Variants in TNS4 observed in about 807,000 individuals in gnomAD.
TNS4 encodes tensin-4.
TNS4 carries 46 observed loss-of-function variants against 70.4 expected under a neutral mutation model. The ratio of observed to expected loss-of-function variants is 0.65; its 90% CI spans 0.52 to 0.84. TNS4 has a LOEUF of 0.84. Ranked by LOEUF, TNS4 falls within the 40% of genes least tolerant of loss-of-function variation. The probability of loss-of-function intolerance (pLI) is 0.00; values close to 1 mark genes in which losing one functional copy is unlikely to be tolerated. For missense variants in TNS4, 863 were observed against 907.0 expected (o/e 0.95, Z 0.62); for synonymous variants, 390 against 366.6 (o/e 1.06, Z -0.73).
In TNS4 at chr17:40,487,133, G is replaced by C. The variant is rs8071312; in HGVS notation, c.1191C>G (p.Ser397=). The change falls in exon 4 of 13, where the codon TCC becomes TCG. Residue 397 remains serine, a synonymous_variant. Transcript: ENST00000254051. ...TGGGAGAAGCAGCTCCAGGTTGAAC[G>C]GAGTTCTGGTGTCCTGGGGTCCGCT... ...PPQRTPGHQN[S]VQPGAASPSN... is the part of the protein sequence containing the mutation. 1 of 1,614,144 alleles carries C rather than the reference G, an allele frequency of 6.2e-7. No homozygotes were observed. Among genetic ancestry groups the C allele is most frequent in the Non-Finnish European group, 8.5e-7 (1 of 1,180,036 alleles).
intron 8 of TNS4, among the ~76,000 whole-genome samples, 180 bp downstream of exon 8, chr17:40,481,949 G>A (rs1033801403): frequency 1.3e-5 from 2 of 152,244 alleles, no homozygotes; most frequent in Admixed American, 1.3e-4. Flanking sequence ...CTGAGGCTCA[G>A]AGAGGTCAAC....
chr17:40,477,666 C>G lies in TNS4; in HGVS notation c.2070G>C (p.Ala690=), dbSNP rs187149174. ...EPQENVCHLF[A]EYDMVQPASQ... ...AGGCTGGCTGGACCATGTCATACTC[C>G]GCAAAGAGGTGGCATACGTTCTCCT... Residue 690 remains alanine (A), a synonymous_variant, in exon 13 of 13, where the codon GCG becomes GCC. Transcript: ENST00000254051. 6.2e-6 allele frequency: 10 copies of G among 1,614,090 alleles called. No homozygotes were observed. Among genetic ancestry groups the G allele is most frequent in the Non-Finnish European group, 8.5e-6 (10 of 1,180,014 alleles).
intron 2 of TNS4, among the ~76,000 whole-genome samples, chr17:40,493,473 G>A (rs2036101748): frequency 6.6e-6 from 1 of 152,198 alleles, no homozygotes; most frequent in African/African-American, 2.4e-5. Flanking sequence ...TTTGGGTGCA[G>A]GTGTCTGCTG....
intron 10 of TNS4, among the ~76,000 whole-genome samples, chr17:40,479,193 G>A (rs1323711193): frequency 1.3e-5 from 2 of 152,174 alleles, no homozygotes; most frequent in East Asian, 3.9e-4. Context: ...TGTCACCCAG[G>A]TTGGAGTGCA....
chr17:40,477,541 T>C lies in TNS4; in HGVS notation c.*47A>G, dbSNP rs1297460852. 6.2e-7 allele frequency: 1 copy of C among 1,606,170 alleles called. No individual in the cohort carries two copies. Among genetic ancestry groups the C allele is most frequent in the Admixed American group, 1.7e-5 (1 of 59,578 alleles). On this transcript the variant is annotated 3_prime_UTR_variant, in exon 13 of 13. Transcript: ENST00000254051. ...ATTCAGGGGGTGGAGGGGGGCTCCT[T>C]AGCGAGCCCCTGGAGGTGTTGGTTA...
At position 40,482,140 on chromosome 17, in the gene TNS4, A is replaced by T; in HGVS notation, c.1661T>A (p.Ile554Asn). The T allele has an allele frequency of 6.2e-7, 1 of 1,614,152 alleles. No homozygotes were observed. Among genetic ancestry groups the T allele is most frequent in the Non-Finnish European group, 8.5e-7 (1 of 1,180,032 alleles). ...GGGCCCAGACCCACCTCTCTGTGGG[A>T]TGGTGAGTTTGCAGGGCAGGGCCAG... Reference protein sequence around the residue: ...MALALPCKLTIPQRELGGADG... With the variant: ...MALALPCKLTNPQRELGGADG... The change falls in exon 8 of 13, where the codon ATC becomes AAC. Residue 554 changes from isoleucine to asparagine, a missense_variant. Physicochemically the swap from Ile to Asn is moderately radical, Grantham distance 149. Coordinates refer to ENST00000254051, the MANE Select transcript of TNS4 (RefSeq NM_032865.6).
In TNS4 at chr17:40,487,263, G is replaced by T. The variant is rs1194167211; in HGVS notation, c.1061C>A (p.Ala354Asp). The change falls in exon 4 of 13, where the codon GCC (alanine) becomes GAC (aspartate). Residue 354 changes from alanine to aspartate, a missense_variant. Ala to Asp is a moderately radical substitution (Grantham distance 126). Coordinates refer to ENST00000254051, the MANE Select transcript of TNS4 (RefSeq NM_032865.6). ...QPRTPHSPPL[A>D]KEHASSCPPS... ...GGGGCAGCTGCTGGCATGTTCTTTG[G>T]CCAGTGGTGGAGAGTGGGGTGTTCT... The T allele has an allele frequency of 1.9e-6, 3 of 1,614,068 alleles. No individual in the cohort carries two copies. The highest frequency in any genetic ancestry group is 2.5e-6 in the Non-Finnish European group (3 of 1,180,034).
In TNS4 at chr17:40,479,677, C is replaced by T; in HGVS notation, c.1907G>A (p.Arg636Lys). Residue 636 changes from arginine to lysine, a missense_variant, in exon 10 of 13, where the codon AGG becomes AAG. Transcript: ENST00000254051. Reference sequence around the variant, plus strand: ...CAGGGCAAGGGAAGGCCCTTACTTCCTCTGGACATCAGTCAGAGTGATGCC... The same window carrying T: ...CAGGGCAAGGGAAGGCCCTTACTTCTTCTGGACATCAGTCAGAGTGATGCC... The part of the protein sequence containing the change: ...EQGITLTDVQ[R>K]KVFFRRHYPL... 1.2e-6 allele frequency: 2 copies of T among 1,613,244 alleles called. No individual in the cohort carries two copies. Among genetic ancestry groups the T allele is most frequent in the Non-Finnish European group, 8.5e-7 (1 of 1,179,518 alleles).
At chr17:40,496,562 T>C in intron 1 of TNS4, 42 bp from the exon 2 acceptor site, 1 of 870,724 alleles carries the variant, frequency 1.1e-6, no homozygotes, top group Non-Finnish European at 1.7e-6. Context: ...TTTCTGTAGG[T>C]GAAGCCCCTG....
chr17:40,482,432 A>G lies in TNS4; in HGVS notation c.1502-16T>C. On this transcript the variant is annotated splice_polypyrimidine_tract_variant and intron_variant, in intron 6 of 12. Transcript: ENST00000254051. Reference sequence around the variant, plus strand: ...CTGTCCTCACCTGGACAGAGAAGAAAGAGTGCATTCGGATAGAATTCCACC... The same window carrying G: ...CTGTCCTCACCTGGACAGAGAAGAAGGAGTGCATTCGGATAGAATTCCACC... 6.2e-7 allele frequency: 1 copy of G among 1,613,324 alleles called. No individual in the cohort carries two copies. Among genetic ancestry groups the G allele is most frequent in the Non-Finnish European group, 8.5e-7 (1 of 1,179,736 alleles).
Position 40,488,946 on chromosome 17 carries a change from A to G in TNS4, c.463T>C (p.Ser155Pro). The change falls in exon 3 of 13, where the codon TCC becomes CCC. Residue 155 changes from serine to proline, a missense_variant. Coordinates refer to ENST00000254051, the MANE Select transcript of TNS4 (RefSeq NM_032865.6). ...ALDIKYIEVTSARSRCHDGPQ... is the reference protein window; with the variant it reads ...ALDIKYIEVTPARSRCHDGPQ... ...CCATCGTGGCACCTTGATCTGGCGG[A>G]GGTCACCTCGATGTACTTTATGTCT... The G allele has an allele frequency of 6.3e-7, 1 of 1,590,784 alleles. No individual in the cohort carries two copies. The highest frequency in any genetic ancestry group is 8.5e-7 in the Non-Finnish European group (1 of 1,170,900).
Position 40,487,379 on chromosome 17 carries a change from G to C in TNS4, c.945C>G (p.Ser315=). ...RSLESPANSS[S]SLHSLGSVSL... is the part of the protein sequence containing the mutation. ...ACACTGAGCCAAGGCTGTGGAGGCT[G>C]GAGGAAGAGTTGGCTGGACTTTCCA... The change falls in exon 4 of 13, where the codon TCC becomes TCG. Residue 315 remains serine, a synonymous_variant. Coordinates refer to ENST00000254051, the MANE Select transcript of TNS4 (RefSeq NM_032865.6). 1 of 1,614,162 alleles carries C rather than the reference G, an allele frequency of 6.2e-7. No homozygotes were observed. The highest frequency in any genetic ancestry group is 8.5e-7 in the Non-Finnish European group (1 of 1,180,022).
At position 40,488,825 on chromosome 17, in the gene TNS4, C is replaced by G; in HGVS notation, c.584G>C (p.Arg195Pro). The change falls in exon 3 of 13, where the codon CGA becomes CCA. Residue 195 changes from arginine (R) to proline (P), a missense_variant. By Grantham distance (103) the Arg-to-Pro change is moderately radical. Coordinates refer to ENST00000254051, the MANE Select transcript of TNS4 (RefSeq NM_032865.6). ...GAAGATGAGGCTCTCACTGCTGCTT[C>G]GTGTCTCTCGGGGGACGTCTCTGGA... ...LLSRDVPRET[R>P]SSSESLIFSG... The G allele has an allele frequency of 6.2e-7, 1 of 1,613,214 alleles. No individual in the cohort carries two copies.
At position 40,487,346 on chromosome 17, in the gene TNS4, A is replaced by G; in HGVS notation, c.978T>C (p.Cys326=). The change falls in exon 4 of 13, where the codon TGT becomes TGC. Residue 326 remains cysteine, a synonymous_variant. Coordinates refer to ENST00000254051, the MANE Select transcript of TNS4 (RefSeq NM_032865.6). Reference sequence around the variant, plus strand: ...GAGCCTGGAAGTCACTGGGTCTTGTACACAGGGACACTGAGCCAAGGCTGT... The same window carrying G: ...GAGCCTGGAAGTCACTGGGTCTTGTGCACAGGGACACTGAGCCAAGGCTGT... ...SLHSLGSVSL[C]TRPSDFQAPR... 1 of 1,614,158 alleles carries G rather than the reference A, an allele frequency of 6.2e-7. No homozygotes were observed. Among genetic ancestry groups the G allele is most frequent in the Non-Finnish European group, 8.5e-7 (1 of 1,180,028 alleles).
chr17:40,477,523 G>T lies in TNS4; in HGVS notation c.*65C>A. On this transcript the variant is annotated 3_prime_UTR_variant, in exon 13 of 13. Transcript: ENST00000254051. ...TGGCCACAAGCCACACCCATTCAGG[G>T]GGTGGAGGGGGGCTCCTTAGCGAGC... 1 of 1,595,702 alleles carries T rather than the reference G, an allele frequency of 6.3e-7. No homozygotes were observed. The highest frequency in any genetic ancestry group is 1.3e-5 in the African/African-American group (1 of 74,690).
chr17:40,492,442 C>T (rs372588717), intron 2 of TNS4, among the ~76,000 whole-genome samples: 101 of 151,876 alleles, frequency 6.7e-4, no homozygotes, highest in African/African-American at 2.4e-3. Flanking sequence ...GATCTTGGCT[C>T]ACTGCAGACT....
chr17:40,487,049 G>A lies in TNS4; in HGVS notation c.1275C>T (p.Thr425=), dbSNP rs200201605. Residue 425 remains threonine (T), a synonymous_variant, in exon 4 of 13, where the codon ACC becomes ACT. Coordinates refer to ENST00000254051, the MANE Select transcript of TNS4 (RefSeq NM_032865.6). The part of the protein sequence containing the change: ...NSQTLSDAPF[T]TCPEGPARDM... ...TTTACGACGTACCCTCTGGGCATGT[G>A]GTAAAGGGGGCATCTGACAGGGTCT... is the stretch of plus-strand genomic sequence containing the variant. 1.9e-6 allele frequency: 3 copies of A among 1,614,096 alleles called. No homozygotes were observed. Among genetic ancestry groups the A allele is most frequent in the Non-Finnish European group, 1.7e-6 (2 of 1,179,942 alleles).
At chr17:40,489,890 C>G (rs1195162214) in intron 2 of TNS4, among the ~76,000 whole-genome samples, 1 of 152,028 alleles carries the variant, frequency 6.6e-6, no homozygotes, top group Non-Finnish European at 1.5e-5. Flanking sequence ...CCCCAGGCTG[C>G]GCCTTGTGCC....
chr17:40,486,052 C>T (rs2035985713), intron 4 of TNS4, among the ~76,000 whole-genome samples: 1 of 152,118 alleles, frequency 6.6e-6, no homozygotes, highest in South Asian at 2.1e-4. Context: ...GGCTGAGAAG[C>T]CCCCCGATGG....
Sources: gnomAD v4.1 joint callset for allele counts (sites outside exome capture counted in the v4.1 genomes callset) on GRCh38, gnomAD v4.1.1 for gene constraint, MANE v1.5 for transcripts, NCBI Gene and HGNC (gene_info 2026-07-23, HGNC 2026-07-21) for gene names.